Variants in ATP10B observed in about 807,000 individuals in gnomAD.
The protein encoded by ATP10B is phospholipid-transporting ATPase VB.
Under a neutral mutation model 141.2 loss-of-function variants are expected in ATP10B, and 122 were observed. The observed-to-expected ratio is 0.86, with a 90% confidence interval of 0.75 to 1.00. The LOEUF (loss-of-function observed/expected upper bound fraction) is 1.00. Ranked by LOEUF, ATP10B falls within the 50% of genes least tolerant of loss-of-function variation. ATP10B has a pLI of 0.00. For synonymous variants in ATP10B, 685 were observed against 692.0 expected, an observed-to-expected ratio of 0.99 and a Z score of 0.16; for missense variants, 1,876 against 1,825.3, an observed-to-expected ratio of 1.03 and a Z score of -0.51.
intron 1 of ATP10B, among the ~76,000 whole-genome samples, chr5:160,802,077 G>A (rs545876723): frequency 2.6e-5 from 4 of 152,292 alleles, no homozygotes; most frequent in Non-Finnish European, 4.4e-5. Context: ...TGGTTGAGAC[G>A]TTGAAGGGAT....
intron 23 of ATP10B, among the ~76,000 whole-genome samples, chr5:160,590,283 CAAGCAAAGACCT>C (rs1439728300): frequency 6.6e-6 from 1 of 152,006 alleles, no homozygotes; most frequent in Non-Finnish European, 1.5e-5. Context: ...GCAGGAAAGC[CAAGCAAAGACCT>C]GGCCAGGGAG....
rs1358815426 is a variant in ATP10B, at chr5:160,688,905, G to C, written c.-166C>G. The stretch of plus-strand genomic sequence containing the variant: ...TCTAGATGGCTGGAGTTGGGGATAG[G>C]GGATCCCTTTTCTTTTTCTCCACTC... On this transcript the variant is annotated 5_prime_UTR_variant, in exon 4 of 26. Coordinates refer to ENST00000327245, the MANE Select transcript of ATP10B (RefSeq NM_025153.3). The C allele has an allele frequency of 3.0e-6, 3 of 985,352 alleles. No homozygotes were observed. Among genetic ancestry groups the C allele is most frequent in the Non-Finnish European group, 3.6e-6 (3 of 829,922 alleles). 61.0% of individuals were successfully genotyped at this position (985,352 alleles called of 1,614,324 possible). A position where few individuals can be genotyped will look rare whatever the true frequency, so the allele number is the denominator to read the frequency against.
At chr5:160,696,266 C>T (rs988967669) in intron 3 of ATP10B, among the ~76,000 whole-genome samples, 1 of 152,052 alleles carries the variant, frequency 6.6e-6, no homozygotes, top group Non-Finnish European at 1.5e-5. Flanking sequence ...GCCATCATGC[C>T]TGGCAAAATT....
At chr5:160,832,999 A>G (rs1044096171) in intron 1 of ATP10B, among the ~76,000 whole-genome samples, 1 of 152,112 alleles carries the variant, frequency 6.6e-6, no homozygotes, top group Non-Finnish European at 1.5e-5. Flanking sequence ...GCGTAGTGTT[A>G]ATGTGCCAAA....
intron 8 of ATP10B, 63 bp from the exon 9 acceptor site, chr5:160,644,307 C>G (rs1760111668): frequency 6.1e-6 from 7 of 1,140,210 alleles, no homozygotes; most frequent in South Asian, 1.2e-5. Context: ...TCACTGGGTA[C>G]TGTCACAGAA....
chr5:160,830,814 T>A (rs1473565288), intron 1 of ATP10B, among the ~76,000 whole-genome samples: 1 of 152,106 alleles, frequency 6.6e-6, no homozygotes, highest in East Asian at 1.9e-4. Flanking sequence ...AGTGAAAATT[T>A]TACCTGAGCT....
At chr5:160,857,347 CTTA>C in the ATP10B span, among the ~76,000 whole-genome samples, 1 of 149,776 alleles carries the variant, frequency 6.7e-6, no homozygotes, top group African/African-American at 2.4e-5. Context: ...ATATTATTTT[CTTA>C]TTATCCCTTG....
intron 3 of ATP10B, among the ~76,000 whole-genome samples, chr5:160,705,331 C>A (rs1201333123): frequency 6.6e-6 from 1 of 152,150 alleles, no homozygotes; most frequent in African/African-American, 2.4e-5. Flanking sequence ...AAGCAATCCT[C>A]CTACCTCAGC....
At chr5:160,678,778 T>G (rs1035745049) in intron 6 of ATP10B, among the ~76,000 whole-genome samples, 1 of 152,194 alleles carries the variant, frequency 6.6e-6, no homozygotes, top group Admixed American at 6.5e-5. Context: ...CGGCCCCATT[T>G]TATATAGGTT....
rs1561752402 is a variant in ATP10B at position 160,686,126 on chromosome 5, GT to G, written c.422del (p.His141ProfsTer7). ...IKDGMEDFKR[H>X]RFDKAINCSN... ...AGCAGTTTATTGCTTTATCAAAGCG[GT>G]GTCTCTTGAAGTCCTCCATGCCATC... On this transcript the variant is annotated frameshift_variant, in exon 6 of 26. Coordinates refer to ENST00000327245, the MANE Select transcript of ATP10B (RefSeq NM_025153.3). LOFTEE classifies it high-confidence loss of function. 1 of 1,604,862 alleles carries G rather than the reference GT, an allele frequency of 6.2e-7. No individual in the cohort carries two copies. The highest frequency in any genetic ancestry group is 2.2e-5 in the East Asian group (1 of 44,638).
At chr5:160,669,002 A>G (rs897065574) in intron 7 of ATP10B, among the ~76,000 whole-genome samples, 2 of 152,244 alleles carry the variant, frequency 1.3e-5, no homozygotes, top group Admixed American at 1.3e-4. Context: ...ACTCTAGCTC[A>G]TGAGAATCTC....
intron 7 of ATP10B, among the ~76,000 whole-genome samples, chr5:160,655,969 C>T (rs1247921764): frequency 1.3e-5 from 2 of 152,126 alleles, no homozygotes; most frequent in Admixed American, 1.3e-4. Context: ...CGTAATCACT[C>T]CCCGGGGTTG....
At chr5:160,651,059 T>TAA (rs1156898480) in intron 7 of ATP10B, among the ~76,000 whole-genome samples, 1 of 152,234 alleles carries the variant, frequency 6.6e-6, no homozygotes, top group African/African-American at 2.4e-5. Context: ...ACTGGACACT[T>TAA]ATTTCTGCCA....
chr5:160,869,217 C>A, the ATP10B span, among the ~76,000 whole-genome samples: 2 of 152,040 alleles, frequency 1.3e-5, no homozygotes, highest in Non-Finnish European at 2.9e-5. Context: ...ATTGCAGTTG[C>A]TATTATTACC....
At chr5:160,664,442 C>A (rs1448073462) in intron 7 of ATP10B, among the ~76,000 whole-genome samples, 1 of 152,178 alleles carries the variant, frequency 6.6e-6, no homozygotes, top group African/African-American at 2.4e-5. Context: ...GGCTTAAAAG[C>A]ACTAACCATT....
the ATP10B span, among the ~76,000 whole-genome samples, chr5:160,880,226 A>T: frequency 3.4e-5 from 5 of 145,298 alleles, no homozygotes; most frequent in East Asian, 2.0e-4. Flanking sequence ...AATATAAATA[A>T]AATATAAATA....
At chr5:160,816,921 A>G (rs1338119738) in intron 1 of ATP10B, among the ~76,000 whole-genome samples, 1 of 152,218 alleles carries the variant, frequency 6.6e-6, no homozygotes, top group Non-Finnish European at 1.5e-5. Flanking sequence ...ATCTCAATAG[A>G]TGCACAAAAG....
intron 2 of ATP10B, among the ~76,000 whole-genome samples, chr5:160,737,292 G>T (rs888767087): frequency 1.3e-5 from 2 of 152,146 alleles, no homozygotes; most frequent in South Asian, 2.1e-4. Flanking sequence ...CCCTCAACTG[G>T]TGTCATATTG....
In ATP10B at chr5:160,694,321, C is replaced by A. The variant is rs140183026; in HGVS notation, c.-204-5378G>T. Among the ~76,000 whole-genome samples the A allele has an allele frequency of 6.9e-4, 105 of 152,280 alleles. No homozygotes were observed. The Middle Eastern group carries it at 0.024, about 35-fold the overall frequency. Reference sequence around the variant, plus strand: ...ACCTGAAGAACTCCCTAAGTTCCTTCCAGTTGTAAAGCCTTTGTCTCATTC... The same window carrying A: ...ACCTGAAGAACTCCCTAAGTTCCTTACAGTTGTAAAGCCTTTGTCTCATTC... On this transcript the variant is annotated intron_variant, in intron 3 of 25. Transcript: ENST00000327245.
Sources: gnomAD v4.1 joint callset for allele counts (sites outside exome capture counted in the v4.1 genomes callset) on GRCh38, gnomAD v4.1.1 for gene constraint, MANE v1.5 for transcripts, NCBI Gene and HGNC (gene_info 2026-07-23, HGNC 2026-07-21) for gene names.